NEMP2: variants seen among roughly 807,000 people sequenced by gnomAD.
NEMP2 encodes nuclear envelope integral membrane protein 2, also known as UPF0571 transmembrane protein.
A neutral mutation model predicts 54.2 loss-of-function variants in NEMP2; 53 were observed. The observed-to-expected ratio is 0.98, with a 90% CI of 0.78 to 1.23. The LOEUF (loss-of-function observed/expected upper bound fraction) is 1.23. Among genes scored for constraint, NEMP2 ranks in the 50% most tolerant of loss-of-function variants. The pLI is 0.00. For synonymous variants in NEMP2, 197 were observed against 190.3 expected (o/e 1.04, Z -0.29); for missense variants, 455 against 511.3 (o/e 0.89, Z 1.06).
chr2:190,508,628 T>G lies in NEMP2; in HGVS notation c.*561A>C, dbSNP rs1690251456. On this transcript the variant is annotated 3_prime_UTR_variant, in exon 9 of 9. Transcript: ENST00000409150. This position sits in a 1 kb window ranked among gnomAD's most constrained non-coding sequence, Gnocchi z 4.3. Reference sequence around the variant, plus strand: ...AGATTCACAGTGCACACGAGCATTATGAATGCCTCTGAGAGATACTGAAAT... The same window carrying G: ...AGATTCACAGTGCACACGAGCATTAGGAATGCCTCTGAGAGATACTGAAAT... The G allele has an allele frequency of 6.6e-6, 1 of 152,442 alleles. No homozygotes were observed. The highest frequency in any genetic ancestry group is 1.5e-5 in the Non-Finnish European group (1 of 68,192). 9.4% of individuals were successfully genotyped at this position (152,442 alleles called of 1,614,324 possible). A position where few individuals can be genotyped will look rare whatever the true frequency, so the allele number is the denominator to read the frequency against.
the NEMP2 span, among the ~76,000 whole-genome samples, chr2:190,552,155 G>C: frequency 4.6e-5 from 7 of 152,300 alleles, no homozygotes; most frequent in South Asian, 1.5e-3. Flanking sequence ...AGCTGTTGCT[G>C]TTTTGGGCTT....
chr2:190,490,562 C>CAA, the NEMP2 span, among the ~76,000 whole-genome samples: 24 of 144,164 alleles, frequency 1.7e-4, no homozygotes, highest in Middle Eastern at 3.5e-3. The surrounding 1 kb of genome is among the most constrained non-coding windows in gnomAD (Gnocchi z 4.5). Context: ...GACTCCCTCT[C>CAA]AAAAAAAAAA....
the NEMP2 span, among the ~76,000 whole-genome samples, chr2:190,481,991 C>T: frequency 1.3e-3 from 199 of 152,280 alleles, no homozygotes; most frequent in African/African-American, 4.6e-3. Flanking sequence ...TTCTATTTCC[C>T]AGCCTCCCTT....
the NEMP2 span, among the ~76,000 whole-genome samples, chr2:190,481,964 G>C: frequency 2.6e-5 from 4 of 152,134 alleles, no homozygotes; most frequent in African/African-American, 9.7e-5. Context: ...CCTTTTCTTC[G>C]TGGACATGCA....
chr2:190,424,281 AATG>A, the NEMP2 span, among the ~76,000 whole-genome samples: 1 of 150,384 alleles, frequency 6.6e-6, no homozygotes, highest in African/African-American at 2.4e-5. The surrounding 1 kb of genome is among the most constrained non-coding windows in gnomAD (Gnocchi z 5.9). Context: ...TTGTATAGTT[AATG>A]ATCCATTTTG....
chr2:190,635,254 T>C, the NEMP2 span, among the ~76,000 whole-genome samples: 3 of 152,232 alleles, frequency 2.0e-5, no homozygotes, highest in Non-Finnish European at 1.5e-5. The surrounding 1 kb of genome is among the most constrained non-coding windows in gnomAD (Gnocchi z 4.1). Context: ...TCTTGCTCTG[T>C]CACCCAGAAT....
Position 190,509,080 on chromosome 2 carries a change from G to A in NEMP2, c.*109C>T. ...CCAGACTGACTTGTTTTTCTCCACAGCAAATGTTTTTGCCACCGTTCACTA... is the reference window on the plus strand; with the variant it reads ...CCAGACTGACTTGTTTTTCTCCACAACAAATGTTTTTGCCACCGTTCACTA... On this transcript the variant is annotated 3_prime_UTR_variant, in exon 9 of 9. Coordinates refer to ENST00000409150, the MANE Select transcript of NEMP2 (RefSeq NM_001142645.2). This position sits in a 1 kb window ranked among gnomAD's most constrained non-coding sequence, Gnocchi z 6.1. 15 of 1,452,234 alleles carry A rather than the reference G, an allele frequency of 1.0e-5. No homozygotes were observed. The highest frequency in any genetic ancestry group is 1.4e-5 in the Non-Finnish European group (15 of 1,093,892). 90.0% of individuals were successfully genotyped at this position (1,452,234 alleles called of 1,614,324 possible). A position where few individuals can be genotyped will look rare whatever the true frequency, so the allele number is the denominator to read the frequency against.
At chr2:190,472,972 T>C in the NEMP2 span, among the ~76,000 whole-genome samples, 1 of 152,200 alleles carries the variant, frequency 6.6e-6, no homozygotes, top group East Asian at 1.9e-4. Flanking sequence ...CAGAATTTCA[T>C]ATCCAGCCAA....
the NEMP2 span, among the ~76,000 whole-genome samples, chr2:190,468,116 C>G: frequency 6.6e-6 from 1 of 151,986 alleles, no homozygotes; most frequent in Non-Finnish European, 1.5e-5. Flanking sequence ...TTTTTTTTCC[C>G]TAGCAGAGGG....
the NEMP2 span, among the ~76,000 whole-genome samples, chr2:190,629,407 G>C: frequency 1.3e-5 from 2 of 152,178 alleles, no homozygotes; most frequent in Admixed American, 6.5e-5. Flanking sequence ...TAAGATATCA[G>C]TTTGTAAGGA....
chr2:190,451,312 T>G, the NEMP2 span, among the ~76,000 whole-genome samples: 15 of 152,172 alleles, frequency 9.9e-5, no homozygotes, highest in Non-Finnish European at 1.6e-4. The surrounding 1 kb of genome is among the most constrained non-coding windows in gnomAD (Gnocchi z 5.0). Context: ...GCATTGTCCT[T>G]AAGATTAAAT....
intron 4 of NEMP2, among the ~76,000 whole-genome samples, chr2:190,518,414 A>G (rs1427633527): frequency 6.6e-6 from 1 of 152,194 alleles, no homozygotes; most frequent in Non-Finnish European, 1.5e-5. Context: ...CCTGATAAGA[A>G]CTAGTAGTGT....
the NEMP2 span, among the ~76,000 whole-genome samples, chr2:190,481,643 A>G: frequency 1.3e-5 from 2 of 152,182 alleles, no homozygotes; most frequent in African/African-American, 4.8e-5. Context: ...ATTATTTTGC[A>G]TATTGTCATA....
the NEMP2 span, among the ~76,000 whole-genome samples, chr2:190,488,031 T>C: frequency 7.2e-5 from 11 of 152,060 alleles, no homozygotes; most frequent in Non-Finnish European, 1.6e-4. This position sits in a 1 kb window ranked among gnomAD's most constrained non-coding sequence, Gnocchi z 6.4. Context: ...GCCTCCCGAG[T>C]AGCTGGGACT....
At chr2:190,499,840 A>G (rs1282800460), downstream of NEMP2, 22 of 1,544,814 alleles carry the variant, frequency 1.4e-5, no homozygotes, top group Middle Eastern at 1.7e-4. This position sits in a 1 kb window ranked among gnomAD's most constrained non-coding sequence, Gnocchi z 6.0. Context: ...AGTTGCACAT[A>G]GGAAAGGAGA....
chr2:190,456,444 C>T, the NEMP2 span, among the ~76,000 whole-genome samples: 15 of 152,154 alleles, frequency 9.9e-5, no homozygotes, highest in African/African-American at 3.6e-4. This position sits in a 1 kb window ranked among gnomAD's most constrained non-coding sequence, Gnocchi z 5.4. Flanking sequence ...TCTGTGGAGC[C>T]GCATCAGGAA....
chr2:190,636,369 C>T, the NEMP2 span, among the ~76,000 whole-genome samples: 526 of 152,308 alleles, frequency 3.5e-3, 14 homozygotes, highest in Non-Finnish European at 4.9e-3. Flanking sequence ...CTATTTCCAT[C>T]ACTGTCAGCA....
chr2:190,632,994 C>T, the NEMP2 span, among the ~76,000 whole-genome samples: 1 of 152,230 alleles, frequency 6.6e-6, no homozygotes, highest in Non-Finnish European at 1.5e-5. The surrounding 1 kb of genome is among the most constrained non-coding windows in gnomAD (Gnocchi z 4.8). Flanking sequence ...CACGTTGCTG[C>T]TCTGAACACT....
the NEMP2 span, among the ~76,000 whole-genome samples, chr2:190,585,717 G>C: frequency 6.6e-6 from 1 of 152,150 alleles, no homozygotes. This position sits in a 1 kb window ranked among gnomAD's most constrained non-coding sequence, Gnocchi z 5.3. Flanking sequence ...TCTTTCTGTT[G>C]ATTCCTAATT....
Sources: allele counts gnomAD v4.1 joint callset (sites outside exome capture counted in the v4.1 genomes callset), GRCh38; gene constraint gnomAD v4.1.1; non-coding constraint Gnocchi (gnomAD v3.1); transcripts MANE v1.5; gene names NCBI Gene and HGNC (gene_info 2026-07-23, HGNC 2026-07-21).